The following TNNT1 variants were observed in gnomAD, a reference collection of about 807,000 sequenced individuals.
TNNT1 encodes the protein troponin T, slow skeletal muscle.
A neutral mutation model predicts 50.6 loss-of-function variants in TNNT1; 53 were observed. That is an observed-to-expected ratio of 1.05 (90% CI 0.84 to 1.32). The LOEUF is 1.32. TNNT1 is among the 40% of genes most tolerant of loss of function. The pLI, the probability that TNNT1 is intolerant of heterozygous loss-of-function variation, is 0.00. For synonymous variants in TNNT1, 142 were observed against 138.0 expected (o/e 1.03, Z -0.20); for missense variants, 348 against 381.7 (o/e 0.91, Z 0.74).
At chr19:55,144,993 G>A (rs1429863170) in intron 6 of TNNT1, among the ~76,000 whole-genome samples, 1 of 152,054 alleles carries the variant, frequency 6.6e-6, no homozygotes, top group Non-Finnish European at 1.5e-5. Context: ...ACCACTGGGT[G>A]GAAAGAAGGA....
intron 7 of TNNT1, 120 bp from the exon 8 acceptor site, chr19:55,141,422 C>A (rs2085452131): frequency 1.3e-6 from 1 of 779,428 alleles, no homozygotes; most frequent in Non-Finnish European, 2.3e-6. Flanking sequence ...CAGCAGGTGG[C>A]AGCAATGCCT....
At chr19:55,139,935 C>A (rs1342749755) in intron 9 of TNNT1, among the ~76,000 whole-genome samples, 1 of 150,408 alleles carries the variant, frequency 6.6e-6, no homozygotes, top group African/African-American at 2.5e-5. Context: ...CCAGCCTGAA[C>A]CAACATGGAG....
chr19:55,133,506 C>T (rs576397238), intron 13 of TNNT1: 46 of 332,342 alleles, frequency 1.4e-4, no homozygotes, highest in Non-Finnish European at 2.1e-4. Flanking sequence ...GGTGAAACCC[C>T]GTCTCTACTA....
chr19:55,133,043 C>T, intron 13 of TNNT1, 83 bp from the exon 14 acceptor site: 2 of 1,275,372 alleles, frequency 1.6e-6, no homozygotes, highest in Non-Finnish European at 2.2e-6. Flanking sequence ...TCAGGAAGCC[C>T]ATTCCCCAAA....
At chr19:55,145,400 A>AGGG (rs2085530341) in intron 6 of TNNT1, 144 bp downstream of exon 6, 6 of 686,948 alleles carry the variant, frequency 8.7e-6, no homozygotes, top group Non-Finnish European at 1.6e-5. Flanking sequence ...GGAAAGGGGG[A>AGGG]GGGAGGAGGA....
At chr19:55,132,981 A>G in intron 13 of TNNT1, 21 bp from the exon 14 acceptor site, 1 of 1,592,050 alleles carries the variant, frequency 6.3e-7, no homozygotes, top group Non-Finnish European at 8.5e-7. Flanking sequence ...ATGAGGTGGT[A>G]TCAGGAAAAA....
In TNNT1 at chr19:55,145,557, G is replaced by T. The variant is rs139279150; in HGVS notation, c.115C>A (p.Arg39Ser). 3.3e-5 allele frequency: 54 copies of T among 1,613,436 alleles called. No individual in the cohort carries two copies. In the African/African-American group the frequency reaches 7.2e-4, roughly 22 times the overall value. Residue 39 changes from arginine (R) to serine (S), a missense_variant, in exon 6 of 14, where the codon CGC (arginine) becomes AGC (serine). By Grantham distance (110) the Arg-to-Ser change is moderately radical (BLOSUM62 -1). Coordinates refer to ENST00000588981, the MANE Select transcript of TNNT1 (RefSeq NM_003283.6). ...GTAGGATCTCACCTTGGTTTGGGGC[G>T]TTCCTCTTCTGTTGGTGGTGGGGGA... ...PEPVAEPEEERPKPSRPVVPP... is the reference protein window; with the variant it reads ...PEPVAEPEEESPKPSRPVVPP...
chr19:55,144,067 A>AC lies in TNNT1; in HGVS notation c.128+1476dup, dbSNP rs1270400552. Reference sequence around the variant, plus strand: ...TCAGTCCATTCCCCCACCCCACCCCACCCCCTTTTTTTTTTTTTGAGATGG... The same window carrying AC: ...TCAGTCCATTCCCCCACCCCACCCCACCCCCCTTTTTTTTTTTTTGAGATGG... On this transcript the variant is annotated intron_variant, in intron 6 of 13. Transcript: ENST00000588981. Among the ~76,000 whole-genome samples, 445 of 75,368 alleles carry AC rather than the reference A, an allele frequency of 5.9e-3. 2 individuals are homozygous for AC. The highest frequency in any genetic ancestry group is 0.02 in the African/African-American group (406 of 20,322). 49.4% of individuals were successfully genotyped at this position (75,368 alleles called of 152,430 possible). A position where few individuals can be genotyped will look rare whatever the true frequency, so the allele number is the denominator to read the frequency against.
intron 5 of TNNT1, 93 bp downstream of exon 5, chr19:55,146,341 G>A (rs1023796311): frequency 2.3e-6 from 2 of 876,078 alleles, no homozygotes; most frequent in Non-Finnish European, 3.2e-6. Flanking sequence ...GCGGAGGGAG[G>A]GAAGGGTGGT....
chr19:55,140,814 A>ATAATC, intron 9 of TNNT1, 69 bp downstream of exon 9: 3 of 1,075,178 alleles, frequency 2.8e-6, no homozygotes, highest in Non-Finnish European at 4.1e-6. Context: ...TAATAATAAT[A>ATAATC]ATAATAACAA....
At chr19:55,141,448 T>C in intron 7 of TNNT1, 146 bp from the exon 8 acceptor site, 1 of 700,658 alleles carries the variant, frequency 1.4e-6, no homozygotes, top group Non-Finnish European at 2.6e-6. Context: ...TTGACACTAA[T>C]CAGCTCTTCC....
At chr19:55,137,901 C>G in intron 10 of TNNT1, 60 bp downstream of exon 10, 1 of 1,602,440 alleles carries the variant, frequency 6.2e-7, no homozygotes, top group East Asian at 2.2e-5. Flanking sequence ...AACCAGAGGT[C>G]TGGCCCCCAG....
chr19:55,145,408 G>A, intron 6 of TNNT1, 136 bp downstream of exon 6: 3 of 757,660 alleles, frequency 4.0e-6, no homozygotes, highest in Non-Finnish European at 2.3e-6. Flanking sequence ...GGAGGGAGGA[G>A]GAGGAGGAGG....
At chr19:55,136,014 G>GC (rs2085341379) in intron 11 of TNNT1, among the ~76,000 whole-genome samples, 1 of 152,114 alleles carries the variant, frequency 6.6e-6, no homozygotes, top group Non-Finnish European at 1.5e-5. Flanking sequence ...TAGACATTTT[G>GC]CCCCCTGGAG....
At chr19:55,137,271 T>C in intron 10 of TNNT1, 59 bp from the exon 11 acceptor site, 4 of 1,266,472 alleles carry the variant, frequency 3.2e-6, no homozygotes, top group Non-Finnish European at 4.6e-6. Context: ...AGCACTGCCG[T>C]GTCGGGACCC....
At chr19:55,134,491 GCC>G (rs1324957059) in intron 11 of TNNT1, among the ~76,000 whole-genome samples, 5 of 150,916 alleles carry the variant, frequency 3.3e-5, no homozygotes, top group Non-Finnish European at 7.4e-5. Context: ...TTCAAGACCA[GCC>G]TGGGCAACAA....
chr19:55,141,932 G>T lies in TNNT1; in HGVS notation c.129-12C>A. ...GCACCACGGGGCGGCTGAGTGGACA[G>T]AAACACAGAGACCATGAGTGGCCCG... On this transcript the variant is annotated splice_polypyrimidine_tract_variant and intron_variant, in intron 6 of 13. Coordinates refer to ENST00000588981, the MANE Select transcript of TNNT1 (RefSeq NM_003283.6). 2 of 1,613,914 alleles carry T rather than the reference G, an allele frequency of 1.2e-6. No individual in the cohort carries two copies. The highest frequency in any genetic ancestry group is 8.5e-7 in the Non-Finnish European group (1 of 1,179,876).
intron 9 of TNNT1, 124 bp from the exon 10 acceptor site, chr19:55,138,198 A>C: frequency 6.5e-7 from 1 of 1,533,556 alleles, no homozygotes; most frequent in South Asian, 1.2e-5. Flanking sequence ...CTGGGACATC[A>C]GAACCAGCAG....
intron 7 of TNNT1, 102 bp from the exon 8 acceptor site, chr19:55,141,404 A>T: frequency 1.1e-6 from 1 of 874,200 alleles, no homozygotes. Context: ...GTTTCCCAGG[A>T]CGGTATCCAG....
Sources: gnomAD v4.1 joint callset for allele counts (sites outside exome capture counted in the v4.1 genomes callset) on GRCh38, gnomAD v4.1.1 for gene constraint, MANE v1.5 for transcripts, NCBI Gene and HGNC (gene_info 2026-07-23, HGNC 2026-07-21) for gene names.